The following SOBP variants were observed in gnomAD, a reference collection of about 807,000 sequenced individuals.
The protein encoded by SOBP is sine oculis binding protein homolog.
SOBP carries 4 observed loss-of-function variants against 53.6 expected under a neutral mutation model. The observed-to-expected ratio is 0.07, with a 90% CI of 0.04 to 0.17. The LOEUF is 0.17. Ranked by LOEUF, SOBP falls within the 10% of genes least tolerant of loss-of-function variation. The pLI, the probability that SOBP is intolerant of heterozygous loss-of-function variation, is 1.00. For missense variants in SOBP, 1,088 were observed against 1,204.7 expected (o/e 0.90, Z 1.43); for synonymous variants, 584 against 522.6 (o/e 1.12, Z -1.60).
At chr6:107,583,635 C>T (rs1256003580) in intron 4 of SOBP, among the ~76,000 whole-genome samples, 1 of 152,172 alleles carries the variant, frequency 6.6e-6, no homozygotes, top group Non-Finnish European at 1.5e-5. Flanking sequence ...AAGCAATCCT[C>T]CTGCCTCAGC....
intron 3 of SOBP, among the ~76,000 whole-genome samples, chr6:107,508,274 C>A (rs1250848402): frequency 6.6e-6 from 1 of 152,094 alleles, no homozygotes; most frequent in Non-Finnish European, 1.5e-5. Context: ...TTTTGCTTGG[C>A]CTGCTGCATT....
chr6:107,497,295 G>A (rs1782725988), intron 1 of SOBP, among the ~76,000 whole-genome samples: 1 of 152,170 alleles, frequency 6.6e-6, no homozygotes, highest in Non-Finnish European at 1.5e-5. Context: ...CATTTCTCAT[G>A]TGCTCCACTT....
intron 5 of SOBP, among the ~76,000 whole-genome samples, chr6:107,599,434 A>G (rs1038580506): frequency 6.6e-6 from 1 of 152,192 alleles, no homozygotes; most frequent in African/African-American, 2.4e-5. Flanking sequence ...GCTTTCGGTC[A>G]TATGGATTTA....
At chr6:107,576,318 C>G (rs541330579) in intron 4 of SOBP, among the ~76,000 whole-genome samples, 2 of 152,314 alleles carry the variant, frequency 1.3e-5, no homozygotes, top group Admixed American at 1.3e-4. Flanking sequence ...CTGTCCTCGT[C>G]CTAGGCTTTC....
chr6:107,593,530 G>T (rs1785835265), intron 5 of SOBP, among the ~76,000 whole-genome samples: 1 of 152,242 alleles, frequency 6.6e-6, no homozygotes, highest in African/African-American at 2.4e-5. Flanking sequence ...AAGAGTGGGA[G>T]TCCCAATCCT....
intron 3 of SOBP, among the ~76,000 whole-genome samples, chr6:107,522,088 C>T (rs1487659682): frequency 6.6e-6 from 1 of 152,004 alleles, no homozygotes; most frequent in Admixed American, 6.6e-5. Flanking sequence ...ATCAGTAGGA[C>T]TAAACTGGCA....
intron 4 of SOBP, among the ~76,000 whole-genome samples, chr6:107,558,501 C>A (rs1040625291): frequency 6.6e-6 from 1 of 151,800 alleles, no homozygotes; most frequent in Non-Finnish European, 1.5e-5. Context: ...AACTCCTGAC[C>A]TCGTGATCCG....
intron 6 of SOBP, chr6:107,636,393 G>A (rs1230736778): frequency 6.6e-6 from 1 of 152,252 alleles, no homozygotes; most frequent in African/African-American, 2.4e-5. Context: ...GTCATAGGCA[G>A]AGGTGGCCTC....
rs9373953 is a variant in SOBP, at chr6:107,578,729, G to A, written c.574-8351G>A. On this transcript the variant is annotated intron_variant, in intron 4 of 6. Coordinates refer to ENST00000317357, the MANE Select transcript of SOBP (RefSeq NM_018013.4). ...AATGTTAGCCATTATTATTAATCCCGGATAATAACCAGAACAGCATCTTAA... is the reference window on the plus strand; with the variant it reads ...AATGTTAGCCATTATTATTAATCCCAGATAATAACCAGAACAGCATCTTAA... Among the ~76,000 whole-genome samples the A allele has an allele frequency of 5.6e-4, 86 of 152,236 alleles. 1 individual carries two copies. The highest frequency in any genetic ancestry group is 1.5e-3 in the East Asian group (8 of 5,180).
chr6:107,638,195 T>TTTCATTTA (rs1771137488), intron 6 of SOBP, among the ~76,000 whole-genome samples: 1 of 150,938 alleles, frequency 6.6e-6, no homozygotes, highest in African/African-American at 2.4e-5. Flanking sequence ...TCCTGGTTTG[T>TTTCATTTA]TTTATTTATT....
At chr6:107,589,400 GC>G (rs1461885158) in intron 5 of SOBP, among the ~76,000 whole-genome samples, 2 of 152,148 alleles carry the variant, frequency 1.3e-5, no homozygotes, top group African/African-American at 4.8e-5. Context: ...TAATGTCTCT[GC>G]CCGCTCCCCA....
intron 5 of SOBP, among the ~76,000 whole-genome samples, chr6:107,619,787 T>C (rs1336885681): frequency 6.6e-6 from 1 of 152,152 alleles, no homozygotes; most frequent in East Asian, 1.9e-4. Context: ...GCCCTTGGAT[T>C]TGAGTAGGTC....
rs1785726544 is a variant in SOBP, at chr6:107,590,986, G to A, written c.669+3811G>A. Among the ~76,000 whole-genome samples the A allele has an allele frequency of 2.0e-5, 3 of 152,162 alleles. No homozygotes were observed. The South Asian group carries it at 6.2e-4, about 32-fold the overall frequency. On this transcript the variant is annotated intron_variant, in intron 5 of 6. Transcript: ENST00000317357. ...AAAAAGACACAGTCCCTTCCCTGAA[G>A]GAGCATGCAATTCAGTAGGAGAAAT... is the stretch of plus-strand genomic sequence containing the variant.
At chr6:107,525,889 A>T (rs946135482) in intron 3 of SOBP, among the ~76,000 whole-genome samples, 1 of 152,008 alleles carries the variant, frequency 6.6e-6, no homozygotes, top group African/African-American at 2.4e-5. Flanking sequence ...CCAAATTCTG[A>T]TCCGTCCTGT....
At chr6:107,550,918 C>T (rs1784442295) in intron 4 of SOBP, among the ~76,000 whole-genome samples, 1 of 152,232 alleles carries the variant, frequency 6.6e-6, no homozygotes, top group East Asian at 1.9e-4. Context: ...TCATTTTGCC[C>T]TTGGGATGTT....
At chr6:107,653,724 C>T (rs1688150606) in intron 6 of SOBP, among the ~76,000 whole-genome samples, 1 of 152,180 alleles carries the variant, frequency 6.6e-6, no homozygotes, top group Non-Finnish European at 1.5e-5. Context: ...GGCAGGCTTC[C>T]TGGTAGAAGT....
At chr6:107,563,550 A>G (rs1784828997) in intron 4 of SOBP, among the ~76,000 whole-genome samples, 1 of 152,194 alleles carries the variant, frequency 6.6e-6, no homozygotes, top group Non-Finnish European at 1.5e-5. Flanking sequence ...CTAAAATTTC[A>G]CAAAGGAAGC....
chr6:107,611,757 T>C (rs1265804876), intron 5 of SOBP, among the ~76,000 whole-genome samples: 1 of 152,240 alleles, frequency 6.6e-6, no homozygotes, highest in Non-Finnish European at 1.5e-5. Context: ...CAGCAGACTT[T>C]GCTCAATTAA....
chr6:107,642,842 T>C (rs889860850), intron 6 of SOBP, among the ~76,000 whole-genome samples: 2 of 152,242 alleles, frequency 1.3e-5, no homozygotes, highest in African/African-American at 2.4e-5. Flanking sequence ...TCATTTGATA[T>C]GGAACATTGA....
Sources: allele counts gnomAD v4.1 joint callset (sites outside exome capture counted in the v4.1 genomes callset), GRCh38; gene constraint gnomAD v4.1.1; transcripts MANE v1.5; gene names NCBI Gene and HGNC (gene_info 2026-07-23, HGNC 2026-07-21).